Variants in ERI3 observed in about 807,000 individuals in gnomAD.
ERI3 encodes the protein ERI1 exoribonuclease 3.
Under a neutral mutation model 44.4 loss-of-function variants are expected in ERI3, and 18 were observed. That is an observed-to-expected ratio of 0.41 (90% CI 0.28 to 0.60). The LOEUF (loss-of-function observed/expected upper bound fraction) is 0.60, where lower values mean the gene tolerates loss of function less well. Ranked by LOEUF, ERI3 falls within the 20% of genes least tolerant of loss-of-function variation. ERI3 has a pLI of 0.36. For synonymous variants in ERI3, 183 were observed against 164.8 expected, an observed-to-expected ratio of 1.11 and a Z score of -0.84; for missense variants, 294 against 435.5, an observed-to-expected ratio of 0.68 and a Z score of 2.89.
chr1:44,331,894 G>C (rs1298818103), intron 3 of ERI3, among the ~76,000 whole-genome samples: 1 of 152,086 alleles, frequency 6.6e-6, no homozygotes, highest in Non-Finnish European at 1.5e-5. Context: ...CTGTGAGCAG[G>C]GTTGATCATT....
At chr1:44,289,730 G>A (rs1305839164) in intron 6 of ERI3, among the ~76,000 whole-genome samples, 6 of 152,232 alleles carry the variant, frequency 3.9e-5, no homozygotes, top group African/African-American at 7.2e-5. Context: ...CTAGCCCGGC[G>A]CCAGCCAAGG....
intron 2 of ERI3, among the ~76,000 whole-genome samples, chr1:44,350,610 C>T (rs1172264769): frequency 6.6e-6 from 1 of 151,878 alleles, no homozygotes; most frequent in Non-Finnish European, 1.5e-5. Flanking sequence ...CTTTTCCAGT[C>T]TGTAAAATAG....
chr1:44,230,757 T>G (rs1365401851), intron 8 of ERI3, among the ~76,000 whole-genome samples: 1 of 152,212 alleles, frequency 6.6e-6, no homozygotes, highest in African/African-American at 2.4e-5. Context: ...TATCCTGACC[T>G]TTTGAGAAAT....
intron 3 of ERI3, among the ~76,000 whole-genome samples, chr1:44,329,774 G>A (rs912012611): frequency 2.0e-5 from 3 of 152,138 alleles, no homozygotes; most frequent in African/African-American, 7.2e-5. Context: ...TGCCTGTTAT[G>A]TTCTCCCTGA....
intron 7 of ERI3, among the ~76,000 whole-genome samples, chr1:44,248,329 T>C (rs112569118): frequency 2.2e-4 from 33 of 152,142 alleles, no homozygotes; most frequent in African/African-American, 7.7e-4. Context: ...GGCTCCTCCT[T>C]CTCAGGAGCC....
rs996954734 is a variant in ERI3, at chr1:44,223,615, T to C, written c.932-1975A>G. Among the ~76,000 whole-genome samples, 4 of 152,102 alleles carry C rather than the reference T, an allele frequency of 2.6e-5. 1 individual carries two copies. Among genetic ancestry groups the C allele is most frequent in the Admixed American group, 1.3e-4 (2 of 15,284 alleles). ...CATTTCTTCCAGCAGAAAAGAAAAT[T>C]AGTTTTCTATTGACTTCATCTGGCT... On this transcript the variant is annotated intron_variant, in intron 8 of 8. Coordinates refer to ENST00000372257, the MANE Select transcript of ERI3 (RefSeq NM_024066.3).
chr1:44,267,697 G>T (rs1247237468), intron 7 of ERI3, among the ~76,000 whole-genome samples: 1 of 152,222 alleles, frequency 6.6e-6, no homozygotes, highest in African/African-American at 2.4e-5. Flanking sequence ...AGCCAAGTAG[G>T]TGCCAAGCCC....
chr1:44,275,091 T>C (rs981545025), intron 7 of ERI3, among the ~76,000 whole-genome samples: 1 of 152,034 alleles, frequency 6.6e-6, no homozygotes, highest in Non-Finnish European at 1.5e-5. Flanking sequence ...TCTCCCCCTC[T>C]CCAAAATAAA....
At chr1:44,354,820 G>C in intron 1 of ERI3, 72 bp downstream of exon 1, 1 of 1,307,758 alleles carries the variant, frequency 7.6e-7, no homozygotes, top group Non-Finnish European at 9.8e-7. Flanking sequence ...CATAAATTCT[G>C]CGCACCGCGA....
intron 3 of ERI3, among the ~76,000 whole-genome samples, chr1:44,328,204 A>C (rs1646353820): frequency 6.7e-6 from 1 of 150,348 alleles, no homozygotes; most frequent in African/African-American, 2.4e-5. Flanking sequence ...TAAGCAAGCA[A>C]TACACAAACG....
At chr1:44,227,876 G>A (rs1644083520) in intron 8 of ERI3, among the ~76,000 whole-genome samples, 1 of 151,964 alleles carries the variant, frequency 6.6e-6, no homozygotes, top group African/African-American at 2.4e-5. Context: ...CTCTAAAATG[G>A]GAATAATAAT....
chr1:44,345,377 C>A (rs987177377), intron 2 of ERI3, among the ~76,000 whole-genome samples: 1 of 152,182 alleles, frequency 6.6e-6, no homozygotes, highest in African/African-American at 2.4e-5. Context: ...TATGTTTATA[C>A]CACCCCTGGA....
intron 4 of ERI3, among the ~76,000 whole-genome samples, chr1:44,315,449 T>C (rs1439256338): frequency 6.6e-6 from 1 of 152,136 alleles, no homozygotes; most frequent in Admixed American, 6.5e-5. Context: ...AAAACCAGGG[T>C]GCTGCTCTGG....
chr1:44,322,984 C>T, intron 3 of ERI3: 1 of 1,320,166 alleles, frequency 7.6e-7, no homozygotes, highest in Non-Finnish European at 9.9e-7. Flanking sequence ...CCTCTATGTC[C>T]AGTTGCTCAG....
chr1:44,271,876 G>A (rs1269573131), intron 7 of ERI3, among the ~76,000 whole-genome samples: 2 of 152,182 alleles, frequency 1.3e-5, no homozygotes, highest in East Asian at 1.9e-4. Flanking sequence ...TGAGATGATC[G>A]ACTCTGTCCC....
At chr1:44,274,341 T>C (rs922486068) in intron 7 of ERI3, among the ~76,000 whole-genome samples, 7 of 152,224 alleles carry the variant, frequency 4.6e-5, no homozygotes, top group Admixed American at 2.0e-4. Flanking sequence ...AAAGTAACAG[T>C]GCCGATGCAG....
In ERI3 at chr1:44,347,981, A is replaced by T. The variant is rs544497289; in HGVS notation, c.211+4869T>A. On this transcript the variant is annotated intron_variant, in intron 2 of 8. Coordinates refer to ENST00000372257, the MANE Select transcript of ERI3 (RefSeq NM_024066.3). ...CTGAGCTAGATCCCTAAGGGTAAGG[A>T]CCACATTTTATTCCTCTGTATTCCC... Among the ~76,000 whole-genome samples the T allele has an allele frequency of 2.0e-5, 3 of 152,164 alleles. No homozygotes were observed. The South Asian group carries it at 6.2e-4, about 32-fold the overall frequency.
chr1:44,308,932 T>TGCTC (rs1645896456), intron 5 of ERI3, among the ~76,000 whole-genome samples: 3 of 152,230 alleles, frequency 2.0e-5, no homozygotes, highest in Admixed American at 2.0e-4. Flanking sequence ...TTTACTGGAC[T>TGCTC]GGAGCCCCAT....
intron 8 of ERI3, among the ~76,000 whole-genome samples, chr1:44,240,986 A>G (rs1490279287): frequency 1.3e-5 from 2 of 152,222 alleles, no homozygotes; most frequent in Non-Finnish European, 2.9e-5. Flanking sequence ...GCATTAGGTC[A>G]GATGGGGTAG....
Sources: gnomAD v4.1 joint callset for allele counts (sites outside exome capture counted in the v4.1 genomes callset) on GRCh38, gnomAD v4.1.1 for gene constraint, MANE v1.5 for transcripts, NCBI Gene and HGNC (gene_info 2026-07-23, HGNC 2026-07-21) for gene names.